TMEM151A: variants seen among roughly 807,000 people sequenced by gnomAD.
The protein encoded by TMEM151A is transmembrane protein 151A.
Under a neutral mutation model 33.7 loss-of-function variants are expected in TMEM151A, and 21 were observed. The observed-to-expected ratio is 0.62, with a 90% confidence interval of 0.44 to 0.90. The LOEUF (loss-of-function observed/expected upper bound fraction) is 0.90, where lower values mean the gene tolerates loss of function less well. Among genes scored for constraint, TMEM151A ranks in the 40% least tolerant of loss-of-function variants. The pLI is 0.00. For missense variants in TMEM151A, 704 were observed against 697.7 expected (o/e 1.01, Z -0.10); for synonymous variants, 374 against 330.3 (o/e 1.13, Z -1.43).
At position 66,292,183 on chromosome 11, in the gene TMEM151A, C is replaced by T. The variant is rs1857462692; in HGVS notation, c.75+95C>T. ...CAAGAGAGGGGCTGAGGAGGGAAGTCCCAGAGCCCCTACGGCCAATGACGT... is the reference window on the plus strand; with the variant it reads ...CAAGAGAGGGGCTGAGGAGGGAAGTTCCAGAGCCCCTACGGCCAATGACGT... On this transcript the variant is annotated intron_variant, in intron 1 of 1. Transcript: ENST00000327259. The surrounding 1 kb of genome is among the most constrained non-coding windows in gnomAD (Gnocchi z 4.7). 9.1e-7 allele frequency: 1 copy of T among 1,096,238 alleles called. No homozygotes were observed. The highest frequency in any genetic ancestry group is 1.2e-6 in the Non-Finnish European group (1 of 827,384). The allele number at this position is 1,096,238 out of a possible 1,614,324, so 67.9% of individuals were successfully genotyped here.
chr11:66,291,926 C>A lies in TMEM151A; in HGVS notation c.-88C>A. 4 of 1,027,968 alleles carry A rather than the reference C, an allele frequency of 3.9e-6. No individual in the cohort carries two copies. The highest frequency in any genetic ancestry group is 5.2e-6 in the Non-Finnish European group (4 of 768,184). 63.7% of individuals were successfully genotyped at this position (1,027,968 alleles called of 1,614,324 possible). A position where few individuals can be genotyped will look rare whatever the true frequency, so the allele number is the denominator to read the frequency against. ...CTCCGCGGCCGCTGAGCCGAGCGGA[C>A]GCCCCCGGGGGCCGCGTCGCAGCCC... On this transcript the variant is annotated 5_prime_UTR_variant, in exon 1 of 2. Coordinates refer to ENST00000327259, the MANE Select transcript of TMEM151A (RefSeq NM_153266.4).
chr11:66,293,479 A>T (rs1857476976), intron 1 of TMEM151A, among the ~76,000 whole-genome samples: 1 of 151,890 alleles, frequency 6.6e-6, no homozygotes. Flanking sequence ...TGAGCCAGGG[A>T]GTGGCCCCTG....
rs1669147029 is a variant in TMEM151A, at chr11:66,296,143, C to A, written c.*490C>A. 1.9e-5 allele frequency: 3 copies of A among 154,226 alleles called. No homozygotes were observed. Among genetic ancestry groups the A allele is most frequent in the Middle Eastern group, 3.4e-3 (1 of 296 alleles). The allele number at this position is 154,226 out of a possible 1,614,324, so 9.6% of individuals were successfully genotyped here. ...GGCTGTGGTGGCACCATGGCCTTGGCCCTGCTACTCACCCAACATTCCCAT... is the reference window on the plus strand; with the variant it reads ...GGCTGTGGTGGCACCATGGCCTTGGACCTGCTACTCACCCAACATTCCCAT... On this transcript the variant is annotated 3_prime_UTR_variant, in exon 2 of 2. Transcript: ENST00000327259.
rs1300873363 is a variant in TMEM151A, at chr11:66,294,901, C to T, written c.655C>T (p.Arg219Cys). 3 of 1,537,830 alleles carry T rather than the reference C, an allele frequency of 2.0e-6. No homozygotes were observed. Among genetic ancestry groups the T allele is most frequent in the Middle Eastern group, 1.7e-4 (1 of 5,986 alleles). Residue 219 changes from arginine (R) to cysteine (C), a missense_variant, in exon 2 of 2, where the codon CGC (arginine) becomes TGC (cysteine). Arg to Cys is a radical substitution (Grantham distance 180). Around this residue, in one of 3 missense-constraint regions of TMEM151A, gnomAD observed 301 missense variants for 323.4 expected, o/e 0.93. Coordinates refer to ENST00000327259, the MANE Select transcript of TMEM151A (RefSeq NM_153266.4). ...GLAEHAATRL[R>C]FTKCFSFGSA... ...GGCGGAGCACGCGGCCACGCGGCTG[C>T]GCTTCACCAAGTGCTTCAGCTTCGG...
rs1228467704 is a variant in TMEM151A at position 66,296,470 on chromosome 11, G to A, written c.*817G>A. 1 of 152,756 alleles carries A rather than the reference G, an allele frequency of 6.5e-6. No individual in the cohort carries two copies. Among genetic ancestry groups the A allele is most frequent in the Non-Finnish European group, 1.5e-5 (1 of 68,168 alleles). The allele number at this position is 152,756 out of a possible 1,614,324, so 9.5% of individuals were successfully genotyped here. A position where few individuals can be genotyped will look rare whatever the true frequency, so the allele number is the denominator to read the frequency against. On this transcript the variant is annotated 3_prime_UTR_variant, in exon 2 of 2. Transcript: ENST00000327259. Reference sequence around the variant, plus strand: ...GGCTGGGCCTTGGCCACAGCCTCTTGGATGATGTCCTTGCTCCACCACGCA... The same window carrying A: ...GGCTGGGCCTTGGCCACAGCCTCTTAGATGATGTCCTTGCTCCACCACGCA...
chr11:66,295,664 G>A lies in TMEM151A; in HGVS notation c.*11G>A, dbSNP rs745872747. 13 of 1,479,910 alleles carry A rather than the reference G, an allele frequency of 8.8e-6. No homozygotes were observed. The highest frequency in any genetic ancestry group is 1.2e-5 in the Non-Finnish European group (13 of 1,118,558). The allele number at this position is 1,479,910 out of a possible 1,614,324, so 91.7% of individuals were successfully genotyped here. A position where few individuals can be genotyped will look rare whatever the true frequency, so the allele number is the denominator to read the frequency against. ...CAGGGTGCTCTCTGAGACCCCCCAC[G>A]GCCCCCAGAGTGGCCCCCTCCCCAC... is the stretch of plus-strand genomic sequence containing the variant. On this transcript the variant is annotated 3_prime_UTR_variant, in exon 2 of 2. Transcript: ENST00000327259.
At position 66,295,118 on chromosome 11, in the gene TMEM151A, T is replaced by C; in HGVS notation, c.872T>C (p.Val291Ala). The change falls in exon 2 of 2, where the codon GTG becomes GCG. Residue 291 changes from valine (V) to alanine (A), a missense_variant. By Grantham distance (64) the Val-to-Ala change is moderately conservative. Coordinates refer to ENST00000327259, the MANE Select transcript of TMEM151A (RefSeq NM_153266.4). ...GCGCGCGCCTGGGTCTTCTGGCTCG[T>C]GTCGGCGGCCACGCTGTCGTGGCCC... is the stretch of plus-strand genomic sequence containing the variant. The part of the protein sequence containing the change: ...WYARAWVFWL[V>A]SAATLSWPLR... 1 of 1,586,596 alleles carries C rather than the reference T, an allele frequency of 6.3e-7. No individual in the cohort carries two copies. Among genetic ancestry groups the C allele is most frequent in the Non-Finnish European group, 8.5e-7 (1 of 1,172,392 alleles).
chr11:66,292,041 G>T lies in TMEM151A; in HGVS notation c.28G>T (p.Gly10Trp), dbSNP rs1372769664. The change falls in exon 1 of 2, where the codon GGG becomes TGG. Residue 10 changes from glycine to tryptophan, a missense_variant. By Grantham distance (184) the Gly-to-Trp change is radical. Transcript: ENST00000327259. This position sits in a 1 kb window ranked among gnomAD's most constrained non-coding sequence, Gnocchi z 4.7. MPEDGAGDGGEVPALIPDGE... is the reference protein window; with the variant it reads MPEDGAGDGWEVPALIPDGE... ...GCCCGAGGACGGCGCTGGCGACGGC[G>T]GGGAGGTGCCCGCGCTCATCCCGGA... The T allele has an allele frequency of 6.7e-7, 1 of 1,499,994 alleles. No homozygotes were observed. The highest frequency in any genetic ancestry group is 8.8e-7 in the Non-Finnish European group (1 of 1,131,616). 92.9% of individuals were successfully genotyped at this position (1,499,994 alleles called of 1,614,324 possible).
At chr11:66,293,123 G>A (rs752887458) in intron 1 of TMEM151A, among the ~76,000 whole-genome samples, 1 of 152,038 alleles carries the variant, frequency 6.6e-6, no homozygotes, top group African/African-American at 2.4e-5. Flanking sequence ...CTCCACGGTG[G>A]GTGGGTCTGT....
In TMEM151A at chr11:66,295,583, C is replaced by T; in HGVS notation, c.1337C>T (p.Ala446Val). ...PLESPPCYED[A>V]LYFPVLIVHG... is the part of the protein sequence containing the mutation. ...GAGAGCCCGCCCTGCTATGAGGACG[C>T]CCTCTACTTCCCGGTGCTCATTGTC... The change falls in exon 2 of 2, where the codon GCC becomes GTC. Residue 446 changes from alanine to valine, a missense_variant. Ala to Val is a moderately conservative substitution (Grantham distance 64, BLOSUM62 0). Coordinates refer to ENST00000327259, the MANE Select transcript of TMEM151A (RefSeq NM_153266.4). The T allele has an allele frequency of 5.2e-6, 8 of 1,532,572 alleles. No individual in the cohort carries two copies. The highest frequency in any genetic ancestry group is 7.0e-6 in the Non-Finnish European group (8 of 1,142,282). 94.9% of individuals were successfully genotyped at this position (1,532,572 alleles called of 1,614,324 possible).
Position 66,294,359 on chromosome 11 carries a change from G to T in TMEM151A, c.113G>T (p.Cys38Phe). ...AAACAGTCCCTGGGAAGCTCCCTGT[G>T]CCGCGAGTCGCACTGGAAGTGCCTG... ...PLKQSLGSSL[C>F]RESHWKCLLL... The change falls in exon 2 of 2, where the codon TGC (cysteine) becomes TTC (phenylalanine). Residue 38 changes from cysteine to phenylalanine, a missense_variant. By Grantham distance (205) the Cys-to-Phe change is radical. This residue lies in a region of TMEM151A where 301 missense variants were observed against 323.4 expected (regional missense o/e 0.93). Coordinates refer to ENST00000327259, the MANE Select transcript of TMEM151A (RefSeq NM_153266.4). 6.2e-7 allele frequency: 1 copy of T among 1,610,466 alleles called. No homozygotes were observed.
At chr11:66,293,949 G>A (rs1857481833) in intron 1 of TMEM151A, among the ~76,000 whole-genome samples, 1 of 152,204 alleles carries the variant, frequency 6.6e-6, no homozygotes, top group Non-Finnish European at 1.5e-5. Flanking sequence ...CCCAGAGAGG[G>A]CAGAGATATA....
intron 1 of TMEM151A, among the ~76,000 whole-genome samples, 197 bp from the exon 2 acceptor site, chr11:66,294,125 G>A (rs1274383166): frequency 3.3e-5 from 5 of 152,236 alleles, no homozygotes; most frequent in African/African-American, 1.2e-4. Context: ...CGAGTCCTGG[G>A]TTTGAATATG....
rs370973084 is a variant in TMEM151A at position 66,294,610 on chromosome 11, G to A, written c.364G>A (p.Val122Met). 1.9e-6 allele frequency: 3 copies of A among 1,612,438 alleles called. No homozygotes were observed. The highest frequency in any genetic ancestry group is 2.7e-5 in the African/African-American group (2 of 74,910). The change falls in exon 2 of 2, where the codon GTG (valine) becomes ATG (methionine). Residue 122 changes from valine to methionine, a missense_variant. Val to Met is a conservative substitution (Grantham distance 21). Coordinates refer to ENST00000327259, the MANE Select transcript of TMEM151A (RefSeq NM_153266.4). Reference protein sequence around the residue: ...LYLAECWHCHVRSCQAPRTDA... With the variant: ...LYLAECWHCHMRSCQAPRTDA... Reference sequence around the variant, plus strand: ...CCTGGCTGAGTGCTGGCACTGTCACGTGCGGTCCTGCCAGGCGCCACGCAC... The same window carrying A: ...CCTGGCTGAGTGCTGGCACTGTCACATGCGGTCCTGCCAGGCGCCACGCAC...
Position 66,295,387 on chromosome 11 carries a change from C to G in TMEM151A, c.1141C>G (p.Arg381Gly). Residue 381 changes from arginine to glycine, a missense_variant, in exon 2 of 2, where the codon CGC becomes GGC. By Grantham distance (125) the Arg-to-Gly change is moderately radical. Coordinates refer to ENST00000327259, the MANE Select transcript of TMEM151A (RefSeq NM_153266.4). The stretch of plus-strand genomic sequence containing the variant: ...CTACCTCAGAGGCTGCCAGCGCTGC[C>G]GCCGCTCTGTCAGCAGCAACTCGCT... ...GAYLRGCQRC[R>G]RSVSSNSLPP... is the part of the protein sequence containing the mutation. 6.5e-7 allele frequency: 1 copy of G among 1,547,520 alleles called. No homozygotes were observed. The highest frequency in any genetic ancestry group is 8.7e-7 in the Non-Finnish European group (1 of 1,149,066).
Position 66,292,143 on chromosome 11 carries a change from T to G in TMEM151A, c.75+55T>G. 7.5e-7 allele frequency: 1 copy of G among 1,341,124 alleles called. No homozygotes were observed. The highest frequency in any genetic ancestry group is 9.6e-7 in the Non-Finnish European group (1 of 1,041,880). 83.1% of individuals were successfully genotyped at this position (1,341,124 alleles called of 1,614,324 possible). On this transcript the variant is annotated intron_variant, in intron 1 of 1. Coordinates refer to ENST00000327259, the MANE Select transcript of TMEM151A (RefSeq NM_153266.4). The surrounding 1 kb of genome is among the most constrained non-coding windows in gnomAD (Gnocchi z 4.7). ...CCTGGGGCGGCGTGAGAGGGACCAGTGCAAAAGGCGACCCCAAGAGAGGGG... is the reference window on the plus strand; with the variant it reads ...CCTGGGGCGGCGTGAGAGGGACCAGGGCAAAAGGCGACCCCAAGAGAGGGG...
chr11:66,294,492 C>T lies in TMEM151A; in HGVS notation c.246C>T (p.Ala82=), dbSNP rs765645259. 1.2e-5 allele frequency: 20 copies of T among 1,603,774 alleles called. No individual in the cohort carries two copies. The East Asian group carries it at 3.6e-4, about 29-fold the overall frequency. The part of the protein sequence containing the change: ...LGPEAALARG[A]GGPPPTYPAS... ...CCGAGGCCGCCTTGGCCCGGGGAGCCGGGGGCCCGCCACCGACCTACCCGG... is the reference window on the plus strand; with the variant it reads ...CCGAGGCCGCCTTGGCCCGGGGAGCTGGGGGCCCGCCACCGACCTACCCGG... Residue 82 remains alanine, a synonymous_variant, in exon 2 of 2, where the codon GCC becomes GCT. Coordinates refer to ENST00000327259, the MANE Select transcript of TMEM151A (RefSeq NM_153266.4).
intron 1 of TMEM151A, 146 bp from the exon 2 acceptor site, chr11:66,294,176 C>G: frequency 6.4e-6 from 8 of 1,257,360 alleles, no homozygotes; most frequent in Non-Finnish European, 8.6e-6. Flanking sequence ...AAGCCTGGAG[C>G]AAGCTGCTCA....
At chr11:66,293,511 C>A (rs559402376) in intron 1 of TMEM151A, among the ~76,000 whole-genome samples, 2 of 152,168 alleles carry the variant, frequency 1.3e-5, no homozygotes, top group East Asian at 3.9e-4. Context: ...CTGTGTCCCA[C>A]CCCCTTGCTC....
Sources: gnomAD v4.1 joint callset for allele counts (sites outside exome capture counted in the v4.1 genomes callset) on GRCh38, gnomAD v4.1.1 for gene constraint, gnomAD v4.1.1 regional missense constraint, Gnocchi (gnomAD v3.1) non-coding constraint, MANE v1.5 for transcripts, NCBI Gene and HGNC (gene_info 2026-07-23, HGNC 2026-07-21) for gene names.